The following ETV3L variants were observed in gnomAD, a reference collection of about 807,000 sequenced individuals.
The protein encoded by ETV3L is ETS translocation variant 3-like protein.
Under a neutral mutation model 27.6 loss-of-function variants are expected in ETV3L, and 30 were observed. That is an observed-to-expected ratio of 1.09 (90% confidence interval 0.81 to 1.48). ETV3L has a LOEUF of 1.48. ETV3L is among the 40% of genes most tolerant of loss of function. ETV3L has a pLI of 0.00. For synonymous variants in ETV3L, 186 were observed against 188.9 expected (o/e 0.98, Z 0.12); for missense variants, 443 against 455.6 (o/e 0.97, Z 0.25).
intron 3 of ETV3L, 21 bp from the exon 4 acceptor site, chr1:157,098,009 G>T (rs1213585989): frequency 6.3e-7 from 1 of 1,584,052 alleles, no homozygotes; most frequent in Non-Finnish European, 8.6e-7. Flanking sequence ...AGAAGTAGGT[G>T]CGAGGTGTGA....
intron 4 of ETV3L, among the ~76,000 whole-genome samples, chr1:157,093,739 T>A (rs1247481885): frequency 6.6e-6 from 1 of 152,178 alleles, no homozygotes; most frequent in Admixed American, 6.5e-5. Flanking sequence ...GTGATCCACC[T>A]GCCTTGGCGT....
chr1:157,093,617 G>A (rs1354971850), intron 4 of ETV3L, among the ~76,000 whole-genome samples: 1 of 151,222 alleles, frequency 6.6e-6, no homozygotes, highest in South Asian at 2.1e-4. Context: ...TCAGCCTCTC[G>A]AGTAGCTGAG....
chr1:157,097,850 C>G lies in ETV3L; in HGVS notation c.607+18G>C. ...CTGGCTAAGATCCCCCTGGGCCCTC[C>G]CAGCCTTGAGCACTCACGGTAGACG... On this transcript the variant is annotated intron_variant, in intron 4 of 4. Transcript: ENST00000454449. 1 of 1,612,080 alleles carries G rather than the reference C, an allele frequency of 6.2e-7. No homozygotes were observed. Among genetic ancestry groups the G allele is most frequent in the East Asian group, 2.2e-5 (1 of 44,858 alleles).
At chr1:157,095,635 C>T (rs1674204449) in intron 4 of ETV3L, among the ~76,000 whole-genome samples, 1 of 151,490 alleles carries the variant, frequency 6.6e-6, no homozygotes, top group Non-Finnish European at 1.5e-5. Flanking sequence ...AAGCTCTCTG[C>T]CCAAGGCATT....
intron 3 of ETV3L, among the ~76,000 whole-genome samples, chr1:157,098,489 G>T (rs937253324): frequency 3.3e-5 from 5 of 151,994 alleles, no homozygotes; most frequent in African/African-American, 9.7e-5. Flanking sequence ...AAGGAGTGGC[G>T]ACTAGGACAG....
intron 4 of ETV3L, among the ~76,000 whole-genome samples, chr1:157,094,041 C>G (rs1028460240): frequency 6.6e-6 from 1 of 152,192 alleles, no homozygotes; most frequent in East Asian, 1.9e-4. Flanking sequence ...CCAGTCTGGA[C>G]ATAATCAGTG....
In ETV3L at chr1:157,093,105, G is replaced by T; in HGVS notation, c.630C>A (p.Pro210=). The T allele has an allele frequency of 6.8e-7, 1 of 1,461,082 alleles. No homozygotes were observed. 90.5% of individuals were successfully genotyped at this position (1,461,082 alleles called of 1,614,324 possible). A position where few individuals can be genotyped will look rare whatever the true frequency, so the allele number is the denominator to read the frequency against. The change falls in exon 5 of 5, where the codon CCC becomes CCA. Residue 210 remains proline (P), a synonymous_variant. Coordinates refer to ENST00000454449, the MANE Select transcript of ETV3L (RefSeq NM_001004341.2). ...SVYRLGSAPG[P]CRLGLCCHLG... Reference sequence around the variant, plus strand: ...AATGGCAGCAAAGGCCCAGCCGGCAGGGGCCTGGGGCAGAGCCAAGTCCTA... The same window carrying T: ...AATGGCAGCAAAGGCCCAGCCGGCATGGGCCTGGGGCAGAGCCAAGTCCTA...
intron 3 of ETV3L, among the ~76,000 whole-genome samples, 169 bp from the exon 4 acceptor site, chr1:157,098,157 C>T (rs966416460): frequency 7.3e-5 from 11 of 151,640 alleles, no homozygotes; most frequent in South Asian, 2.1e-4. Flanking sequence ...AGTGCAGTGG[C>T]GCCATCCTGG....
In ETV3L at chr1:157,098,251, C is replaced by T. The variant is rs193276491; in HGVS notation, c.487-263G>A. On this transcript the variant is annotated intron_variant, in intron 3 of 4. Transcript: ENST00000454449. ...AGCTGGGATTACAGACATGTGCCAC[C>T]ATGCCCAGCTACTTTTATATTTTTA... 7.1e-3 allele frequency among the ~76,000 whole-genome samples: 1,081 copies of T among 152,244 alleles called. 8 individuals carry two copies. Among genetic ancestry groups the T allele is most frequent in the South Asian group, 0.013 (62 of 4,820 alleles).
chr1:157,093,194 A>G, intron 4 of ETV3L, 67 bp from the exon 5 acceptor site: 2 of 1,108,490 alleles, frequency 1.8e-6, no homozygotes, highest in Non-Finnish European at 2.4e-6. Flanking sequence ...TGCTCCTCCC[A>G]TTTCCCAGCC....
intron 3 of ETV3L, 85 bp from the exon 4 acceptor site, chr1:157,098,073 G>T: frequency 7.0e-7 from 1 of 1,431,200 alleles, no homozygotes. Context: ...TTAGCCAGTT[G>T]CTAAAACAAT....
chr1:157,094,075 A>G (rs1159211122), intron 4 of ETV3L, among the ~76,000 whole-genome samples: 3 of 152,190 alleles, frequency 2.0e-5, no homozygotes, highest in Non-Finnish European at 4.4e-5. Context: ...TGTCCAGTGA[A>G]TAAGGGAAGG....
In ETV3L at chr1:157,098,615, G is replaced by T. The variant is rs146622492; in HGVS notation, c.486+91C>A. 574 of 1,260,178 alleles carry T rather than the reference G, an allele frequency of 4.6e-4. 1 individual carries two copies. The African/African-American group carries it at 7.9e-3, about 17-fold the overall frequency. 78.1% of individuals were successfully genotyped at this position (1,260,178 alleles called of 1,614,324 possible). A position where few individuals can be genotyped will look rare whatever the true frequency, so the allele number is the denominator to read the frequency against. On this transcript the variant is annotated intron_variant, in intron 3 of 4. Coordinates refer to ENST00000454449, the MANE Select transcript of ETV3L (RefSeq NM_001004341.2). The stretch of plus-strand genomic sequence containing the variant: ...GGAGAAGAAAACTGGAGGCTGATGG[G>T]CCCCAGAGGCAAAGAGGAGGGTGGG...
rs1674130810 is a variant in ETV3L, at chr1:157,092,263, G to A, written c.*386C>T. On this transcript the variant is annotated 3_prime_UTR_variant, in exon 5 of 5. Transcript: ENST00000454449. ...ACTGGAGACCTTAGCCTGGAATGGG[G>A]AGATGGGCCCCAGACAAGACTCAGG... 1.8e-5 allele frequency: 3 copies of A among 169,942 alleles called. No individual in the cohort carries two copies. Among genetic ancestry groups the A allele is most frequent in the Non-Finnish European group, 1.3e-5 (1 of 79,004 alleles). The allele number at this position is 169,942 out of a possible 1,614,324, so 10.5% of individuals were successfully genotyped here. A position where few individuals can be genotyped will look rare whatever the true frequency, so the allele number is the denominator to read the frequency against.
Position 157,092,334 on chromosome 1 carries a change from T to C in ETV3L, c.*315A>G. 1 of 281,716 alleles carries C rather than the reference T, an allele frequency of 3.5e-6. No individual in the cohort carries two copies. The highest frequency in any genetic ancestry group is 6.6e-6 in the Non-Finnish European group (1 of 150,432). The allele number at this position is 281,716 out of a possible 1,614,324, so 17.5% of individuals were successfully genotyped here. On this transcript the variant is annotated 3_prime_UTR_variant, in exon 5 of 5. Coordinates refer to ENST00000454449, the MANE Select transcript of ETV3L (RefSeq NM_001004341.2). ...TCTCCCCAGGCTAGACCCTTAATTT[T>C]CCCCCTTATGTGGGCAGGATGGAAA...
intron 4 of ETV3L, 75 bp downstream of exon 4, chr1:157,097,793 C>A: frequency 1.9e-6 from 3 of 1,576,154 alleles, no homozygotes; most frequent in Non-Finnish European, 2.6e-6. Flanking sequence ...GCCCCCTCAG[C>A]CATGTACTCA....
In ETV3L at chr1:157,099,483, G is replaced by A. The variant is rs1674302154; in HGVS notation, c.41C>T (p.Pro14Leu). 6.2e-7 allele frequency: 1 copy of A among 1,613,606 alleles called. No individual in the cohort carries two copies. The highest frequency in any genetic ancestry group is 2.2e-5 in the East Asian group (1 of 44,834). Residue 14 changes from proline (P) to leucine (L), a missense_variant, in exon 1 of 5, where the codon CCC becomes CTC. Transcript: ENST00000454449. Reference protein sequence around the residue: ...SCLAEGIPANPGNWISGLAFP... With the variant: ...SCLAEGIPANLGNWISGLAFP... ...AGGCTCACCTGAGATCCAGTTGCCG[G>A]GGTTGGCTGGGATGCCCTCAGCCAA...
At chr1:157,096,442 G>A (rs963265582) in intron 4 of ETV3L, among the ~76,000 whole-genome samples, 1 of 152,138 alleles carries the variant, frequency 6.6e-6, no homozygotes, top group Non-Finnish European at 1.5e-5. Flanking sequence ...ATGAATGAGT[G>A]AGTGAATGAG....
chr1:157,092,832 C>T lies in ETV3L; in HGVS notation c.903G>A (p.Trp301Ter). ...GLGQGAGERL[W>*]LLSLRPEGLE... is the part of the protein sequence containing the mutation. ...GCCCCTCGGGCCTGAGGGACAAGAG[C>T]CAAAGCCTCTCACCCGCACCCTGTC... Residue 301 changes from tryptophan (W) to a stop codon, truncating the protein, a stop_gained, in exon 5 of 5, where the codon TGG becomes TGA. Coordinates refer to ENST00000454449, the MANE Select transcript of ETV3L (RefSeq NM_001004341.2). LOFTEE classifies it low-confidence loss of function (END_TRUNC). 1.9e-6 allele frequency: 3 copies of T among 1,614,120 alleles called. No homozygotes were observed. Among genetic ancestry groups the T allele is most frequent in the Non-Finnish European group, 2.5e-6 (3 of 1,179,980 alleles).
Sources: allele counts gnomAD v4.1 joint callset (sites outside exome capture counted in the v4.1 genomes callset), GRCh38; gene constraint gnomAD v4.1.1; transcripts MANE v1.5; gene names NCBI Gene and HGNC (gene_info 2026-07-23, HGNC 2026-07-21).